SCAF8: variants seen among roughly 807,000 people sequenced by gnomAD.
The protein encoded by SCAF8 is SR-related and CTD-associated factor 8.
Under a neutral mutation model 140.5 loss-of-function variants are expected in SCAF8, and 23 were observed. The ratio of observed to expected loss-of-function variants is 0.16; its 90% CI spans 0.12 to 0.23. The LOEUF (loss-of-function observed/expected upper bound fraction) is 0.23, where lower values mean the gene tolerates loss of function less well. Ranked by LOEUF, SCAF8 falls within the 10% of genes least tolerant of loss-of-function variation. The probability of loss-of-function intolerance (pLI) is 1.00; values close to 1 mark genes in which losing one functional copy is unlikely to be tolerated. For missense variants in SCAF8, 1,397 were observed against 1,555.7 expected, an observed-to-expected ratio of 0.90 and a Z score of 1.72; for synonymous variants, 575 against 528.9, an observed-to-expected ratio of 1.09 and a Z score of -1.20.
In SCAF8 at chr6:154,808,083, A is replaced by T. The variant is rs1029820469; in HGVS notation, c.995A>T (p.Asp332Val). 6.2e-7 allele frequency: 1 copy of T among 1,613,676 alleles called. No individual in the cohort carries two copies. The highest frequency in any genetic ancestry group is 1.3e-5 in the African/African-American group (1 of 74,894). ...TGTTCTCAATAGGCCACTCCTCAGGATAGTCAGGAAGGAACCTTTGGGTCA... is the reference window on the plus strand; with the variant it reads ...TGTTCTCAATAGGCCACTCCTCAGGTTAGTCAGGAAGGAACCTTTGGGTCA... ...QQQPQKATPQ[D>V]SQEGTFGSEH... Residue 332 changes from aspartate to valine, a missense_variant, in exon 10 of 20, where the codon GAT (aspartate) becomes GTT (valine). Around this residue, in one of 5 missense-constraint regions of SCAF8, gnomAD observed 339 missense variants for 407.5 expected, o/e 0.83. Coordinates refer to ENST00000367178, the MANE Select transcript of SCAF8 (RefSeq NM_014892.5).
chr6:154,787,991 A>G lies in SCAF8; in HGVS notation c.290A>G (p.Gln97Arg), dbSNP rs747444673. ...RFSNNIISTF[Q>R]NLYRCPGDDK... Reference sequence around the variant, plus strand: ...AGTAATAACATCATTAGCACTTTCCAGAATTTATATCGTTGCCCTGGGGAT... The same window carrying G: ...AGTAATAACATCATTAGCACTTTCCGGAATTTATATCGTTGCCCTGGGGAT... Residue 97 changes from glutamine to arginine, a missense_variant, in exon 4 of 20, where the codon CAG (glutamine) becomes CGG (arginine). By Grantham distance (43) the Gln-to-Arg change is conservative (BLOSUM62 1). Coordinates refer to ENST00000367178, the MANE Select transcript of SCAF8 (RefSeq NM_014892.5). 2 of 1,612,074 alleles carry G rather than the reference A, an allele frequency of 1.2e-6. No individual in the cohort carries two copies. The highest frequency in any genetic ancestry group is 3.3e-5 in the Admixed American group (2 of 59,762).
intron 18 of SCAF8, among the ~76,000 whole-genome samples, chr6:154,827,830 GGGGC>G (rs1250366528): frequency 3.1e-5 from 4 of 127,220 alleles, no homozygotes. Context: ...TTTTTGGGGC[GGGGC>G]GGGGGGGGGG....
intron 1 of SCAF8, among the ~76,000 whole-genome samples, chr6:154,770,288 T>C (rs1363056660): frequency 6.6e-6 from 1 of 151,694 alleles, no homozygotes; most frequent in Non-Finnish European, 1.5e-5. Context: ...ACCCCGTCTT[T>C]ACAAAAAAAG....
chr6:154,831,703 TAAAAAAAAAAAAAA>T (rs58013583), intron 19 of SCAF8, among the ~76,000 whole-genome samples: 568 of 48,068 alleles, frequency 0.012, 13 homozygotes, highest in African/African-American at 0.035. Context: ...CTCCTGTTCT[TAAAAAAAAAAAAAA>T]AAAAAAAAAA....
chr6:154,830,871 A>G, intron 18 of SCAF8, 51 bp from the exon 19 acceptor site: 1 of 1,388,276 alleles, frequency 7.2e-7, no homozygotes, highest in Non-Finnish European at 1.0e-6. Context: ...AAAACTTAGC[A>G]CATGAATTGA....
At chr6:154,734,171 A>G (rs1341378635) in intron 1 of SCAF8, among the ~76,000 whole-genome samples, 1 of 152,116 alleles carries the variant, frequency 6.6e-6, no homozygotes, top group African/African-American at 2.4e-5. Context: ...CCGGCGTCCT[A>G]TGGAATGGCT....
chr6:154,793,864 A>G (rs1055704532), intron 5 of SCAF8, among the ~76,000 whole-genome samples: 19 of 151,838 alleles, frequency 1.3e-4, no homozygotes, highest in African/African-American at 4.3e-4. Context: ...AGTTCCAAGA[A>G]TTAAATTGGT....
At chr6:154,759,215 G>A (rs532677297) in intron 1 of SCAF8, among the ~76,000 whole-genome samples, 1 of 152,292 alleles carries the variant, frequency 6.6e-6, no homozygotes, top group Non-Finnish European at 1.5e-5. Flanking sequence ...TGGTTTACTC[G>A]ATCTTGGCTG....
Position 154,805,477 on chromosome 6 carries a change from G to C in SCAF8, c.972G>C (p.Gln324His). ...GACAGCAGCTCTTGGAGCAGCAACA[G>C]CCTCAAAAGGTTTATAACCCCATCT... is the stretch of plus-strand genomic sequence containing the variant. The part of the protein sequence containing the change: ...HLRQQLLEQQ[Q>H]PQKATPQDSQ... Residue 324 changes from glutamine to histidine, a missense_variant, in exon 9 of 20, where the codon CAG becomes CAC. Physicochemically the swap from Gln to His is conservative, Grantham distance 24. Around this residue, in one of 5 missense-constraint regions of SCAF8, gnomAD observed 339 missense variants for 407.5 expected, o/e 0.83. Coordinates refer to ENST00000367178, the MANE Select transcript of SCAF8 (RefSeq NM_014892.5). The C allele has an allele frequency of 6.3e-7, 1 of 1,590,656 alleles. No homozygotes were observed. The highest frequency in any genetic ancestry group is 8.6e-7 in the Non-Finnish European group (1 of 1,161,408).
At chr6:154,764,237 A>G (rs1479902260) in intron 1 of SCAF8, among the ~76,000 whole-genome samples, 1 of 151,930 alleles carries the variant, frequency 6.6e-6, no homozygotes. Context: ...TGAATTAATT[A>G]CACTGAAAAC....
At chr6:154,755,304 C>T (rs1168140787) in intron 1 of SCAF8, among the ~76,000 whole-genome samples, 1 of 152,042 alleles carries the variant, frequency 6.6e-6, no homozygotes, top group Admixed American at 6.6e-5. Flanking sequence ...CCCACACTGG[C>T]ATGCAGTGGT....
At chr6:154,784,481 A>C (rs1777193791) in intron 3 of SCAF8, among the ~76,000 whole-genome samples, 1 of 152,194 alleles carries the variant, frequency 6.6e-6, no homozygotes, top group South Asian at 2.1e-4. Context: ...GGATGTTTAT[A>C]TAATTACAGT....
chr6:154,750,438 T>C (rs2114806640), intron 1 of SCAF8, among the ~76,000 whole-genome samples: 1 of 152,038 alleles, frequency 6.6e-6, no homozygotes, highest in East Asian at 1.9e-4. Context: ...AATCTTTTCA[T>C]CCTCAGGTTT....
At chr6:154,830,119 G>C (rs903328693) in intron 18 of SCAF8, among the ~76,000 whole-genome samples, 2 of 152,182 alleles carry the variant, frequency 1.3e-5, no homozygotes, top group Non-Finnish European at 2.9e-5. Context: ...AGAAATAGTT[G>C]TGTGCCAGAT....
chr6:154,827,463 A>G (rs572151558), intron 18 of SCAF8, among the ~76,000 whole-genome samples: 1 of 152,262 alleles, frequency 6.6e-6, no homozygotes, highest in East Asian at 1.9e-4. Context: ...AATTCAGAGA[A>G]GGTCCTCTCA....
At chr6:154,734,351 T>C (rs1045480678) in intron 1 of SCAF8, among the ~76,000 whole-genome samples, 8 of 152,194 alleles carry the variant, frequency 5.3e-5, no homozygotes, top group African/African-American at 1.9e-4. Context: ...TCACTGAGGC[T>C]AACACCGATT....
At chr6:154,748,464 C>T (rs1053669371) in intron 1 of SCAF8, among the ~76,000 whole-genome samples, 9 of 151,926 alleles carry the variant, frequency 5.9e-5, no homozygotes, top group Non-Finnish European at 1.0e-4. Context: ...GATTATCCAT[C>T]TTGTCTCTGG....
intron 1 of SCAF8, among the ~76,000 whole-genome samples, chr6:154,749,189 C>A (rs1026343490): frequency 6.6e-6 from 1 of 152,226 alleles, no homozygotes; most frequent in African/African-American, 2.4e-5. Context: ...GATCTGCCCG[C>A]CTTAGCCTCC....
Position 154,832,815 on chromosome 6 carries a change from T to A in SCAF8, c.3236T>A (p.Leu1079His), listed in dbSNP as rs1262765642. 6.2e-7 allele frequency: 1 copy of A among 1,614,030 alleles called. No individual in the cohort carries two copies. Among genetic ancestry groups the A allele is most frequent in the East Asian group, 2.2e-5 (1 of 44,858 alleles). ...ENLVRPGIDH[L>H]GRRDHFGFNP... ...CTTGTGAGGCCAGGTATAGATCATC[T>A]TGGTCGAAGAGACCACTTTGGCTTT... Residue 1079 changes from leucine to histidine, a missense_variant, in exon 20 of 20, where the codon CTT (leucine) becomes CAT (histidine). Physicochemically the swap from Leu to His is moderately conservative, Grantham distance 99 (BLOSUM62 -3). Transcript: ENST00000367178.
Sources: gnomAD v4.1 joint callset for allele counts (sites outside exome capture counted in the v4.1 genomes callset) on GRCh38, gnomAD v4.1.1 for gene constraint, gnomAD v4.1.1 regional missense constraint, MANE v1.5 for transcripts, NCBI Gene and HGNC (gene_info 2026-07-23, HGNC 2026-07-21) for gene names.